The following FRYL variants were observed in gnomAD, a reference collection of about 807,000 sequenced individuals.
FRYL encodes the protein FRY like transcription coactivator.
In FRYL, 150 loss-of-function variants were observed where a neutral mutation model predicts 351.2. The ratio of observed to expected loss-of-function variants is 0.43; its 90% confidence interval spans 0.37 to 0.49. FRYL has a LOEUF of 0.49. Ranked by LOEUF, FRYL falls within the 20% of genes least tolerant of loss-of-function variation. The pLI is 0.00. For missense variants in FRYL, 3,036 were observed against 3,619.3 expected (o/e 0.84, Z 4.13); for synonymous variants, 1,153 against 1,257.1 (o/e 0.92, Z 1.75).
intron 3 of FRYL, among the ~76,000 whole-genome samples, chr4:48,652,059 C>T (rs1757797314): frequency 6.6e-6 from 1 of 152,160 alleles, no homozygotes; most frequent in South Asian, 2.1e-4. Context: ...AAAACAAAGG[C>T]TTTACAAACA....
rs1178080937 is a variant in FRYL at position 48,499,395 on chromosome 4, G to A, written c.*27C>T. On this transcript the variant is annotated 3_prime_UTR_variant, in exon 64 of 64. Transcript: ENST00000358350. ...AATATTCTTCATCATCTTCAGTTTA[G>A]TTTCTTTCCTAAAGGCCTGAAGTGT... 4.4e-6 allele frequency: 7 copies of A among 1,606,100 alleles called. No individual in the cohort carries two copies. Among genetic ancestry groups the A allele is most frequent in the Admixed American group, 1.7e-5 (1 of 59,738 alleles).
chr4:48,696,809 AC>A (rs1031449508), intron 2 of FRYL, among the ~76,000 whole-genome samples: 23 of 151,668 alleles, frequency 1.5e-4, no homozygotes, highest in African/African-American at 4.6e-4. Context: ...GAAAAAAAAA[AC>A]ATAAGCCCAG....
At chr4:48,735,971 TAAAAAAAAAAA>T (rs71191254) in intron 1 of FRYL, among the ~76,000 whole-genome samples, 13 of 100,718 alleles carry the variant, frequency 1.3e-4, no homozygotes, top group Non-Finnish European at 2.2e-4. Context: ...TAGAGTATAA[TAAAAAAAAAAA>T]AAAAAAAAAA....
At chr4:48,645,907 ATACAATGCCCTTGCACTC>A (rs1392916413) in intron 3 of FRYL, 3 of 152,206 alleles carry the variant, frequency 2.0e-5, no homozygotes, top group Non-Finnish European at 2.9e-5. Context: ...AATCATGGCA[ATACAATGCCCTTGCACTC>A]TACGTAAAAA....
chr4:48,580,509 AT>A, intron 22 of FRYL: 6 of 226,666 alleles, frequency 2.6e-5, no homozygotes, highest in South Asian at 1.6e-4. Flanking sequence ...GAGTATCACC[AT>A]TTTTTTCCCG....
At chr4:48,557,855 G>T in intron 33 of FRYL, 143 bp from the exon 34 acceptor site, 1 of 866,542 alleles carries the variant, frequency 1.2e-6, no homozygotes, top group Non-Finnish European at 1.7e-6. Context: ...TTTCCTTTTA[G>T]CAAATTTCAC....
intron 27 of FRYL, among the ~76,000 whole-genome samples, chr4:48,569,560 A>G (rs1374910533): frequency 6.6e-6 from 1 of 152,188 alleles, no homozygotes; most frequent in Non-Finnish European, 1.5e-5. Flanking sequence ...GGCCTCCCAA[A>G]GTGCTGGGAT....
chr4:48,696,104 T>C (rs1413865838), intron 2 of FRYL, among the ~76,000 whole-genome samples: 2 of 152,168 alleles, frequency 1.3e-5, no homozygotes, highest in African/African-American at 4.8e-5. Flanking sequence ...TCAACCATTG[T>C]GGAAGACAGG....
chr4:48,711,943 T>C (rs1248192367), intron 1 of FRYL, among the ~76,000 whole-genome samples: 8 of 152,206 alleles, frequency 5.3e-5, no homozygotes, highest in Admixed American at 1.3e-4. Context: ...CCGCTGCTAA[T>C]ACCCAGGCAA....
intron 3 of FRYL, chr4:48,653,920 C>A: frequency 8.1e-7 from 1 of 1,235,132 alleles, no homozygotes. Context: ...AGAGTTTTGG[C>A]CCACAGTGCC....
intron 50 of FRYL, among the ~76,000 whole-genome samples, chr4:48,529,556 A>AT (rs1727068036): frequency 6.6e-6 from 1 of 152,218 alleles, no homozygotes; most frequent in African/African-American, 2.4e-5. Context: ...TAACTAAAAA[A>AT]TTAGTAACAA....
intron 49 of FRYL, among the ~76,000 whole-genome samples, chr4:48,534,052 C>A (rs916464747): frequency 6.6e-6 from 1 of 151,988 alleles, no homozygotes; most frequent in Admixed American, 6.6e-5. Context: ...CATGGTGAAA[C>A]CTATCTCTAC....
At chr4:48,705,713 T>C (rs1767268247) in intron 2 of FRYL, among the ~76,000 whole-genome samples, 1 of 152,222 alleles carries the variant, frequency 6.6e-6, no homozygotes, top group Non-Finnish European at 1.5e-5. Context: ...CTTAATTGTA[T>C]ATCCAGTTGG....
In FRYL at chr4:48,551,497, T is replaced by C. The variant is rs779608730; in HGVS notation, c.4517A>G (p.Glu1506Gly). 6.3e-7 allele frequency: 1 copy of C among 1,590,972 alleles called. No homozygotes were observed. Among genetic ancestry groups the C allele is most frequent in the Non-Finnish European group, 8.6e-7 (1 of 1,160,118 alleles). ...TACAGAACAGAGAAGTACTTACCTC[T>C]CTTCAATATTCTCTTTAATGGGCTT... The part of the protein sequence containing the change: ...DNKPIKENIE[E>G]SYVHLDIYSG... Residue 1506 changes from glutamate to glycine, a missense_variant, in exon 37 of 64, where the codon GAG becomes GGG. Physicochemically the swap from Glu to Gly is moderately conservative, Grantham distance 98 (BLOSUM62 -2). Transcript: ENST00000358350.
At position 48,634,481 on chromosome 4, in the gene FRYL, G is replaced by C; in HGVS notation, c.-71C>G. The C allele has an allele frequency of 6.2e-7, 1 of 1,608,510 alleles. No individual in the cohort carries two copies. The highest frequency in any genetic ancestry group is 1.1e-5 in the South Asian group (1 of 90,532). On this transcript the variant is annotated 5_prime_UTR_variant, in exon 4 of 64. Transcript: ENST00000358350. ...ACAGTATTTATTTACTTTGCTGACT[G>C]GCGCTGAAGCTAAAAGTAAAAGAAA... is the stretch of plus-strand genomic sequence containing the variant.
At chr4:48,523,863 T>C (rs568556686) in intron 53 of FRYL, among the ~76,000 whole-genome samples, 1 of 152,250 alleles carries the variant, frequency 6.6e-6, no homozygotes, top group African/African-American at 2.4e-5. Context: ...GTTGGTAGGA[T>C]AGCTCTGGCT....
chr4:48,500,854 G>A (rs1379237000), intron 62 of FRYL, among the ~76,000 whole-genome samples: 2 of 152,132 alleles, frequency 1.3e-5, no homozygotes, highest in Admixed American at 1.3e-4. Flanking sequence ...GCAGGCCAAG[G>A]CAGTGGGTCA....
chr4:48,524,233 T>C (rs939896442), intron 53 of FRYL, among the ~76,000 whole-genome samples: 8 of 151,982 alleles, frequency 5.3e-5, no homozygotes, highest in African/African-American at 1.7e-4. Flanking sequence ...AAATTTTAGA[T>C]GGCAGTCAAT....
intron 47 of FRYL, 70 bp downstream of exon 47, chr4:48,539,901 C>G: frequency 1.8e-6 from 2 of 1,103,388 alleles, no homozygotes; most frequent in Non-Finnish European, 2.7e-6. Context: ...TAAGAGATTT[C>G]CCCCTCCTTT....
Sources: allele counts gnomAD v4.1 joint callset (sites outside exome capture counted in the v4.1 genomes callset), GRCh38; gene constraint gnomAD v4.1.1; transcripts MANE v1.5; gene names NCBI Gene and HGNC (gene_info 2026-07-23, HGNC 2026-07-21).